Variants in ALKBH8 observed in about 807,000 individuals in gnomAD.
ALKBH8 encodes the protein alkB homolog 8, tRNA methyltransferase, also known as tRNA (carboxymethyluridine(34)-5-O)-methyltransferase ALKBH8.
In ALKBH8, 36 loss-of-function variants were observed where a neutral mutation model predicts 59.8. The observed-to-expected ratio is 0.60, with a 90% CI of 0.46 to 0.79. ALKBH8 has a LOEUF of 0.79. Ranked by LOEUF, ALKBH8 falls within the 30% of genes least tolerant of loss-of-function variation. ALKBH8 has a pLI of 0.00. For missense variants in ALKBH8, 768 were observed against 801.0 expected, an observed-to-expected ratio of 0.96 and a Z score of 0.50; for synonymous variants, 276 against 273.6, an observed-to-expected ratio of 1.01 and a Z score of -0.09.
intron 7 of ALKBH8, among the ~76,000 whole-genome samples, chr11:107,540,617 T>C (rs570031970): frequency 6.6e-6 from 1 of 152,342 alleles, no homozygotes; most frequent in East Asian, 1.9e-4. Flanking sequence ...ATATATTATG[T>C]TGATGTGTTT....
At position 107,551,790 on chromosome 11, in the gene ALKBH8, T is replaced by G. The variant is rs1437767588; in HGVS notation, c.700+18A>C. On this transcript the variant is annotated intron_variant, in intron 6 of 11. Transcript: ENST00000428149. ...TTCCAAAATATGTGACTAAAATTTTTGAACAAGAAATACTCACCTTGCCCA... is the reference window on the plus strand; with the variant it reads ...TTCCAAAATATGTGACTAAAATTTTGGAACAAGAAATACTCACCTTGCCCA... 2.0e-6 allele frequency: 3 copies of G among 1,502,122 alleles called. No homozygotes were observed. In the South Asian group the frequency reaches 4.1e-5, roughly 21 times the overall value. 93.0% of individuals were successfully genotyped at this position (1,502,122 alleles called of 1,614,324 possible).
intron 5 of ALKBH8, among the ~76,000 whole-genome samples, chr11:107,552,335 T>C (rs997207463): frequency 6.6e-6 from 1 of 151,726 alleles, no homozygotes; most frequent in Non-Finnish European, 1.5e-5. Flanking sequence ...TCATAAATGT[T>C]GTTTCATGAT....
intron 10 of ALKBH8, among the ~76,000 whole-genome samples, chr11:107,514,020 G>T (rs1205965396): frequency 6.6e-6 from 1 of 151,762 alleles, no homozygotes. Flanking sequence ...TAACAAACCT[G>T]CACATGTACG....
At chr11:107,538,137 T>C (rs1448441149) in intron 7 of ALKBH8, among the ~76,000 whole-genome samples, 1 of 152,124 alleles carries the variant, frequency 6.6e-6, no homozygotes, top group Non-Finnish European at 1.5e-5. Flanking sequence ...TTCGCTCCTA[T>C]TTTATTACAG....
intron 7 of ALKBH8, among the ~76,000 whole-genome samples, chr11:107,537,298 T>C (rs1863857466): frequency 6.6e-6 from 1 of 152,098 alleles, no homozygotes; most frequent in Non-Finnish European, 1.5e-5. Flanking sequence ...AGACATGGAA[T>C]CAATGTAAAT....
At chr11:107,548,219 C>T (rs1295727049) in intron 7 of ALKBH8, among the ~76,000 whole-genome samples, 1 of 152,228 alleles carries the variant, frequency 6.6e-6, no homozygotes, top group Non-Finnish European at 1.5e-5. Flanking sequence ...GGAGCTCCTT[C>T]GTGTCCTGTT....
intron 8 of ALKBH8, among the ~76,000 whole-genome samples, chr11:107,528,440 G>C (rs965248232): frequency 6.6e-6 from 1 of 152,066 alleles, no homozygotes; most frequent in African/African-American, 2.4e-5. Context: ...AGGCAATTTT[G>C]TAGAGGCAAA....
Position 107,504,161 on chromosome 11 carries a change from C to A in ALKBH8, c.*497G>T, listed in dbSNP as rs1697624441. On this transcript the variant is annotated 3_prime_UTR_variant, in exon 12 of 12. Coordinates refer to ENST00000428149, the MANE Select transcript of ALKBH8 (RefSeq NM_138775.3). ...CTGATTGACTAAACGTTATTGGACA[C>A]CCGCTATACGTCCAGCCCTGGGCTA... 1.3e-5 allele frequency: 3 copies of A among 229,816 alleles called. No individual in the cohort carries two copies. The South Asian group carries it at 4.0e-4, about 31-fold the overall frequency. The allele number at this position is 229,816 out of a possible 1,614,324, so 14.2% of individuals were successfully genotyped here.
At chr11:107,556,457 T>G (rs2135584345) in intron 3 of ALKBH8, among the ~76,000 whole-genome samples, 1 of 152,292 alleles carries the variant, frequency 6.6e-6, no homozygotes, top group Admixed American at 6.5e-5. Flanking sequence ...ATGCAAACCC[T>G]CATTATTAAA....
At chr11:107,565,534 G>GA in intron 1 of ALKBH8, 67 bp downstream of exon 1, 2 of 1,534,042 alleles carry the variant, frequency 1.3e-6, no homozygotes, top group East Asian at 4.9e-5. Flanking sequence ...GAGAAGACCG[G>GA]AAGAGGCTGA....
intron 1 of ALKBH8, among the ~76,000 whole-genome samples, chr11:107,563,366 G>C (rs918510697): frequency 1.3e-5 from 2 of 152,088 alleles, no homozygotes; most frequent in African/African-American, 4.8e-5. Context: ...CAGTGTTTAG[G>C]AGTCCATGTT....
intron 7 of ALKBH8, 86 bp downstream of exon 7, chr11:107,549,666 AT>A: frequency 1.0e-6 from 1 of 969,246 alleles, no homozygotes; most frequent in South Asian, 2.5e-5. Flanking sequence ...ATCTTAATTC[AT>A]TTTCATTAAG....
intron 10 of ALKBH8, among the ~76,000 whole-genome samples, chr11:107,513,735 G>A (rs1312070337): frequency 1.3e-5 from 2 of 152,300 alleles, no homozygotes; most frequent in Middle Eastern, 3.4e-3. Flanking sequence ...GTCACTTGCT[G>A]TATGCAACAT....
rs967969395 is a variant in ALKBH8 at position 107,504,207 on chromosome 11, G to C, written c.*451C>G. 2.5e-5 allele frequency: 9 copies of C among 361,294 alleles called. No individual in the cohort carries two copies. Among genetic ancestry groups the C allele is most frequent in the Non-Finnish European group, 4.4e-5 (9 of 203,762 alleles). 22.4% of individuals were successfully genotyped at this position (361,294 alleles called of 1,614,324 possible). ...GGCTAGTCAGGCATGGAAATAGAAT[G>C]GTTATTGTCTATGATTTTACAGAGC... On this transcript the variant is annotated 3_prime_UTR_variant, in exon 12 of 12. Transcript: ENST00000428149.
At position 107,556,985 on chromosome 11, in the gene ALKBH8, C is replaced by T; in HGVS notation, c.148G>A (p.Gly50Ser). ...CGACTCACACCATTACCCAAACCAC[C>T]ATTGGCAACAACCAGGCTCTTAAAA... is the stretch of plus-strand genomic sequence containing the variant. ...YATQSLVVAN[G>S]GLGNGVSRNQ... The change falls in exon 3 of 12, where the codon GGT becomes AGT. Residue 50 changes from glycine (G) to serine (S), a missense_variant. Gly to Ser is a moderately conservative substitution (Grantham distance 56). Coordinates refer to ENST00000428149, the MANE Select transcript of ALKBH8 (RefSeq NM_138775.3). 6.3e-7 allele frequency: 1 copy of T among 1,586,534 alleles called. No homozygotes were observed. The highest frequency in any genetic ancestry group is 8.6e-7 in the Non-Finnish European group (1 of 1,167,354).
At chr11:107,543,700 C>T (rs553540215) in intron 7 of ALKBH8, among the ~76,000 whole-genome samples, 7 of 151,636 alleles carry the variant, frequency 4.6e-5, no homozygotes, top group East Asian at 1.9e-4. Flanking sequence ...GAAAATTAAG[C>T]GAGAAAAGAT....
In ALKBH8 at chr11:107,551,540, A is replaced by C. The variant is rs118087905; in HGVS notation, c.700+268T>G. On this transcript the variant is annotated intron_variant, in intron 6 of 11. Coordinates refer to ENST00000428149, the MANE Select transcript of ALKBH8 (RefSeq NM_138775.3). ...GAAACCCCATCTCTACAAAAATACA[A>C]AAATTAGTTGGGCCATGATGGTGTG... is the stretch of plus-strand genomic sequence containing the variant. Among the ~76,000 whole-genome samples, 1,449 of 152,060 alleles carry C rather than the reference A, an allele frequency of 9.5e-3. 11 individuals carry two copies. The highest frequency in any genetic ancestry group is 0.014 in the Non-Finnish European group (919 of 67,958).
At chr11:107,565,554 G>C (rs1440875893) in intron 1 of ALKBH8, 47 bp downstream of exon 1, 8 of 1,535,350 alleles carry the variant, frequency 5.2e-6, no homozygotes, top group Non-Finnish European at 1.7e-6. Context: ...AAAAGAGGAA[G>C]CGGTGATTTG....
chr11:107,547,611 T>C (rs1488005743), intron 7 of ALKBH8, among the ~76,000 whole-genome samples: 1 of 152,204 alleles, frequency 6.6e-6, no homozygotes, highest in Non-Finnish European at 1.5e-5. Context: ...TAGTGGACTG[T>C]TTTAAATAGT....
Sources: allele counts gnomAD v4.1 joint callset (sites outside exome capture counted in the v4.1 genomes callset), GRCh38; gene constraint gnomAD v4.1.1; transcripts MANE v1.5; gene names NCBI Gene and HGNC (gene_info 2026-07-23, HGNC 2026-07-21).